Variants in PCDH9 observed in about 807,000 individuals in gnomAD.
The protein encoded by PCDH9 is protocadherin-9.
A neutral mutation model predicts 70.6 loss-of-function variants in PCDH9; 24 were observed. The observed-to-expected ratio is 0.34, with a 90% confidence interval of 0.25 to 0.48. The LOEUF is 0.48. PCDH9 is among the 20% of genes least tolerant of loss of function. PCDH9 has a pLI of 0.99. For synonymous variants in PCDH9, 562 were observed against 558.5 expected (o/e 1.01, Z -0.09); for missense variants, 1,281 against 1,503.6 (o/e 0.85, Z 2.45).
chr13:66,766,018 G>A (rs2079711198), intron 3 of PCDH9, among the ~76,000 whole-genome samples: 1 of 151,844 alleles, frequency 6.6e-6, no homozygotes, highest in Non-Finnish European at 1.5e-5. Flanking sequence ...ACACTAGGGG[G>A]ATCTCTTATA....
intron 2 of PCDH9, among the ~76,000 whole-genome samples, chr13:67,019,497 G>A (rs750234362): frequency 2.0e-5 from 3 of 151,610 alleles, no homozygotes; most frequent in Non-Finnish European, 4.4e-5. Flanking sequence ...GCTGGCCCAC[G>A]CAGTTGCTCT....
chr13:66,377,444 C>T (rs1270687144), intron 4 of PCDH9, among the ~76,000 whole-genome samples: 1 of 151,828 alleles, frequency 6.6e-6, no homozygotes, highest in East Asian at 1.9e-4. Context: ...TATGAAAACA[C>T]AAACCAAAAC....
intron 2 of PCDH9, among the ~76,000 whole-genome samples, chr13:67,063,970 T>G (rs1451075066): frequency 1.3e-5 from 2 of 152,146 alleles, no homozygotes; most frequent in Non-Finnish European, 2.9e-5. Flanking sequence ...ATAAATTATT[T>G]AATAGAAAAA....
intron 2 of PCDH9, among the ~76,000 whole-genome samples, chr13:66,946,088 ACTTCT>A (rs2083083366): frequency 6.6e-6 from 1 of 151,978 alleles, no homozygotes; most frequent in African/African-American, 2.4e-5. Context: ...GTCACTAATG[ACTTCT>A]CTTCTTATTT....
intron 2 of PCDH9, among the ~76,000 whole-genome samples, chr13:66,975,378 G>C (rs1429428039): frequency 6.6e-6 from 1 of 152,014 alleles, no homozygotes; most frequent in African/African-American, 2.4e-5. Context: ...TTCAACATTT[G>C]CTCTGTGTTA....
intron 4 of PCDH9, among the ~76,000 whole-genome samples, chr13:66,527,425 C>A (rs1960265060): frequency 6.6e-6 from 1 of 152,076 alleles, no homozygotes; most frequent in East Asian, 1.9e-4. Context: ...TTAATGTTTT[C>A]TTTCTCTGTA....
At chr13:66,889,834 CCTGA>C (rs1566269625) in intron 3 of PCDH9, among the ~76,000 whole-genome samples, 1 of 152,130 alleles carries the variant, frequency 6.6e-6, no homozygotes, top group East Asian at 1.9e-4. Context: ...ATGTTTTTTA[CCTGA>C]CTATGTACAT....
At chr13:66,705,240 C>T (rs900471064) in intron 3 of PCDH9, among the ~76,000 whole-genome samples, 8 of 151,928 alleles carry the variant, frequency 5.3e-5, no homozygotes, top group Admixed American at 4.6e-4. Flanking sequence ...CATGTGCATG[C>T]CAAGACATCA....
chr13:66,732,379 T>C (rs1449626402), intron 3 of PCDH9, among the ~76,000 whole-genome samples: 1 of 151,970 alleles, frequency 6.6e-6, no homozygotes, highest in Non-Finnish European at 1.5e-5. Context: ...ACTACTATTA[T>C]CTGTGATATA....
At chr13:66,406,290 C>A (rs779998570) in intron 4 of PCDH9, among the ~76,000 whole-genome samples, 10 of 152,064 alleles carry the variant, frequency 6.6e-5, no homozygotes, top group Non-Finnish European at 1.3e-4. Context: ...AGACTCTTGC[C>A]CTAAGCCCCA....
intron 4 of PCDH9, among the ~76,000 whole-genome samples, chr13:66,489,220 A>G (rs1485060940): frequency 2.6e-5 from 4 of 152,196 alleles, no homozygotes; most frequent in Admixed American, 2.0e-4. Flanking sequence ...TGTATATCAC[A>G]TATCACTGTG....
intron 2 of PCDH9, among the ~76,000 whole-genome samples, chr13:66,939,455 T>TGA (rs1429817122): frequency 6.8e-6 from 1 of 146,162 alleles, no homozygotes; most frequent in Non-Finnish European, 1.5e-5. Flanking sequence ...TGTGTGTGTG[T>TGA]GTGACGGAGT....
chr13:66,882,258 G>T (rs2081934443), intron 3 of PCDH9, among the ~76,000 whole-genome samples: 1 of 152,098 alleles, frequency 6.6e-6, no homozygotes, highest in African/African-American at 2.4e-5. Flanking sequence ...ATGCTTGATT[G>T]TCATAATGTG....
At chr13:66,751,063 T>C (rs2079449826) in intron 3 of PCDH9, among the ~76,000 whole-genome samples, 1 of 152,330 alleles carries the variant, frequency 6.6e-6, no homozygotes, top group Non-Finnish European at 1.5e-5. Flanking sequence ...CTCATGCTTT[T>C]ACTTAATCTC....
chr13:66,981,018 A>G (rs2083752388), intron 2 of PCDH9, among the ~76,000 whole-genome samples: 1 of 152,170 alleles, frequency 6.6e-6, no homozygotes, highest in African/African-American at 2.4e-5. Context: ...GTTTTTCCAT[A>G]AAATCTATTT....
intron 3 of PCDH9, among the ~76,000 whole-genome samples, chr13:66,780,756 ATG>A (rs57026281): frequency 0.019 from 2,876 of 152,270 alleles, 86 homozygotes; most frequent in African/African-American, 0.065. Flanking sequence ...CCACAGTGGA[ATG>A]TAAGTCCTAG....
At chr13:67,024,714 T>C (rs919343289) in intron 2 of PCDH9, among the ~76,000 whole-genome samples, 1 of 152,224 alleles carries the variant, frequency 6.6e-6, no homozygotes, top group Admixed American at 6.5e-5. Flanking sequence ...TTTATGGTGT[T>C]ATTGATTACC....
chr13:67,170,624 A>G (rs1419151624), intron 2 of PCDH9, among the ~76,000 whole-genome samples: 2 of 152,176 alleles, frequency 1.3e-5, no homozygotes, highest in Non-Finnish European at 2.9e-5. Context: ...ATATTTATCA[A>G]AAGTAAGAAG....
At chr13:66,727,841 T>TA (rs1465031429) in intron 3 of PCDH9, among the ~76,000 whole-genome samples, 61 of 152,270 alleles carry the variant, frequency 4.0e-4, no homozygotes, top group African/African-American at 1.3e-3. Flanking sequence ...AAGAATATCA[T>TA]ATCTAAATTA....
Sources: allele counts gnomAD v4.1 joint callset (sites outside exome capture counted in the v4.1 genomes callset), GRCh38; gene constraint gnomAD v4.1.1; transcripts MANE v1.5; gene names NCBI Gene and HGNC (gene_info 2026-07-23, HGNC 2026-07-21).